Variants in ROBO2 observed in about 807,000 individuals in gnomAD.
ROBO2 encodes roundabout homolog 2.
In ROBO2, 53 loss-of-function variants were observed where a neutral mutation model predicts 160.8. The observed-to-expected ratio is 0.33, with a 90% CI of 0.26 to 0.41. ROBO2 has a LOEUF of 0.41. Among genes scored for constraint, ROBO2 ranks in the 10% least tolerant of loss-of-function variants. ROBO2 has a pLI of 1.00. For synonymous variants in ROBO2, 664 were observed against 611.7 expected (o/e 1.09, Z -1.26); for missense variants, 1,577 against 1,722.4 (o/e 0.92, Z 1.49).
intron 2 of ROBO2, among the ~76,000 whole-genome samples, chr3:76,006,715 A>G (rs970887128): frequency 3.3e-5 from 5 of 152,150 alleles, no homozygotes; most frequent in Non-Finnish European, 7.4e-5. Flanking sequence ...TGCTCATTTA[A>G]TGACAGCTAC....
chr3:76,811,799 T>A (rs898640327), intron 2 of ROBO2, among the ~76,000 whole-genome samples: 1 of 54,226 alleles, frequency 1.8e-5, no homozygotes. Context: ...CCTTCCTTCC[T>A]TCCTTCCTTC....
chr3:76,727,522 A>G (rs552305820), intron 2 of ROBO2, among the ~76,000 whole-genome samples: 1 of 152,334 alleles, frequency 6.6e-6, no homozygotes, highest in African/African-American at 2.4e-5. Context: ...AATAAAAACT[A>G]AAGAAAATGT....
At chr3:76,074,681 AT>A (rs1278331702) in intron 2 of ROBO2, among the ~76,000 whole-genome samples, 1 of 152,222 alleles carries the variant, frequency 6.6e-6, no homozygotes, top group Non-Finnish European at 1.5e-5. Flanking sequence ...ATCTGGAGGA[AT>A]TAATATAAAG....
At chr3:77,380,757 A>G (rs1169337732) in intron 2 of ROBO2, among the ~76,000 whole-genome samples, 7 of 147,228 alleles carry the variant, frequency 4.8e-5, no homozygotes, top group African/African-American at 1.8e-4. Flanking sequence ...TGAGTGTTAC[A>G]GAGATTATCT....
intron 2 of ROBO2, among the ~76,000 whole-genome samples, chr3:76,151,357 T>C (rs1367622168): frequency 6.6e-6 from 1 of 152,172 alleles, no homozygotes. Flanking sequence ...AATAGAGATA[T>C]GCCAAGGCTG....
intron 2 of ROBO2, among the ~76,000 whole-genome samples, chr3:76,721,904 G>C (rs1332466938): frequency 2.0e-5 from 3 of 152,198 alleles, no homozygotes; most frequent in Non-Finnish European, 2.9e-5. Flanking sequence ...GTATGTATCA[G>C]AATGTGTTTT....
chr3:77,382,505 AC>A (rs2073633884), intron 2 of ROBO2, among the ~76,000 whole-genome samples: 1 of 152,032 alleles, frequency 6.6e-6, no homozygotes, highest in Non-Finnish European at 1.5e-5. Context: ...ATTTTAGAGC[AC>A]CTGTCATCTG....
chr3:75,965,901 A>G (rs138515386), intron 2 of ROBO2, among the ~76,000 whole-genome samples: 16 of 151,728 alleles, frequency 1.1e-4, no homozygotes, highest in African/African-American at 3.9e-4. Flanking sequence ...AATCTATCCA[A>G]TTAAATGGTA....
chr3:76,698,101 C>CAGAAGCTCTTCTATTCTAGAATGCCTGT (rs1560398652), intron 2 of ROBO2, among the ~76,000 whole-genome samples: 1 of 131,878 alleles, frequency 7.6e-6, no homozygotes, highest in African/African-American at 2.9e-5. Flanking sequence ...AGAATGCCTG[C>CAGAAGCTCTTCTATTCTAGAATGCCTGT]AGAAGCTCTT....
At chr3:77,142,513 C>A (rs1191514469) in intron 2 of ROBO2, among the ~76,000 whole-genome samples, 1 of 152,156 alleles carries the variant, frequency 6.6e-6, no homozygotes, top group East Asian at 1.9e-4. Flanking sequence ...ATAATAAAGG[C>A]TAAAAAGCAG....
chr3:77,626,281 T>C (rs1025233596), intron 23 of ROBO2, among the ~76,000 whole-genome samples: 1 of 152,230 alleles, frequency 6.6e-6, no homozygotes, highest in African/African-American at 2.4e-5. Context: ...ATTTTAGATG[T>C]GACTTTTGTG....
intron 2 of ROBO2, among the ~76,000 whole-genome samples, chr3:76,429,325 G>A (rs115928008): frequency 0.011 from 1,699 of 152,190 alleles, 18 homozygotes; most frequent in South Asian, 0.049. Flanking sequence ...AGCGACAAAA[G>A]GAATAGCTGT....
intron 2 of ROBO2, among the ~76,000 whole-genome samples, chr3:77,123,397 T>G (rs2074977593): frequency 6.6e-6 from 1 of 152,114 alleles, no homozygotes; most frequent in Admixed American, 6.6e-5. Flanking sequence ...TTCATCAAAT[T>G]ATTGCTTTTA....
intron 16 of ROBO2, among the ~76,000 whole-genome samples, chr3:77,586,446 G>A (rs978695363): frequency 6.6e-5 from 10 of 151,988 alleles, no homozygotes; most frequent in African/African-American, 2.4e-4. Flanking sequence ...CAACAAATTA[G>A]TTTTGTTCTT....
At chr3:76,751,734 A>G (rs1430403140) in intron 2 of ROBO2, among the ~76,000 whole-genome samples, 1 of 152,168 alleles carries the variant, frequency 6.6e-6, no homozygotes, top group Non-Finnish European at 1.5e-5. Context: ...AATCAAAACC[A>G]CAATGAGATA....
intron 2 of ROBO2, among the ~76,000 whole-genome samples, chr3:76,753,769 T>C (rs968388586): frequency 2.6e-5 from 4 of 151,912 alleles, no homozygotes; most frequent in Non-Finnish European, 4.4e-5. Context: ...GTCTCAATTA[T>C]ATGACTGTAA....
At chr3:75,934,347 A>G (rs1947676303) in intron 1 of ROBO2, among the ~76,000 whole-genome samples, 1 of 152,188 alleles carries the variant, frequency 6.6e-6, no homozygotes, top group South Asian at 2.1e-4. Flanking sequence ...TAGGCATTTA[A>G]TATTTAATTT....
At chr3:77,140,302 T>C (rs534213567) in intron 2 of ROBO2, among the ~76,000 whole-genome samples, 35 of 152,252 alleles carry the variant, frequency 2.3e-4, no homozygotes, top group Non-Finnish European at 4.0e-4. Context: ...TTTAAAATAA[T>C]AACTAGATTC....
intron 4 of ROBO2, among the ~76,000 whole-genome samples, chr3:77,491,364 C>T (rs115775211): frequency 8.5e-4 from 129 of 152,274 alleles, no homozygotes; most frequent in Non-Finnish European, 6.3e-4. Flanking sequence ...GTGTCTCAAA[C>T]CTCTTTAACA....
Sources: gnomAD v4.1 joint callset for allele counts (sites outside exome capture counted in the v4.1 genomes callset) on GRCh38, gnomAD v4.1.1 for gene constraint, MANE v1.5 for transcripts, NCBI Gene and HGNC (gene_info 2026-07-23, HGNC 2026-07-21) for gene names.